The following WDPCP variants were observed in gnomAD, a reference collection of about 807,000 sequenced individuals.
The protein encoded by WDPCP is WD repeat containing planar cell polarity effector, also known as WD repeat-containing and planar cell polarity effector protein fritz homolog.
WDPCP carries 71 observed loss-of-function variants against 93.1 expected under a neutral mutation model. The observed-to-expected ratio is 0.76, with a 90% CI of 0.63 to 0.93. The LOEUF (loss-of-function observed/expected upper bound fraction) is 0.93. WDPCP is among the 40% of genes least tolerant of loss of function. The pLI, the probability that WDPCP is intolerant of heterozygous loss-of-function variation, is 0.00. For missense variants in WDPCP, 844 were observed against 887.4 expected, an observed-to-expected ratio of 0.95 and a Z score of 0.62; for synonymous variants, 315 against 315.0, an observed-to-expected ratio of 1.00 and a Z score of 0.00.
At chr2:63,495,779 G>A (rs1428677254) in intron 1 of WDPCP, among the ~76,000 whole-genome samples, 6 of 151,978 alleles carry the variant, frequency 3.9e-5, no homozygotes, top group East Asian at 1.9e-4. Context: ...CCATCACTAC[G>A]CAAATTTGTA....
intron 2 of WDPCP, among the ~76,000 whole-genome samples, chr2:63,656,168 G>A (rs1463940562): frequency 6.6e-6 from 1 of 152,122 alleles, no homozygotes; most frequent in African/African-American, 2.4e-5. Flanking sequence ...TGCCAGTTCT[G>A]GGAAAACAGG....
intron 2 of WDPCP, among the ~76,000 whole-genome samples, chr2:63,778,590 C>T (rs890816688): frequency 2.0e-5 from 3 of 152,146 alleles, no homozygotes; most frequent in African/African-American, 7.2e-5. Flanking sequence ...TCCTAACTTC[C>T]TTCTGAAAGT....
intron 12 of WDPCP, among the ~76,000 whole-genome samples, chr2:63,315,934 T>C (rs1325545747): frequency 2.0e-5 from 3 of 151,326 alleles, no homozygotes; most frequent in African/African-American, 7.3e-5. Context: ...GGTAATACTT[T>C]TTTTTTTTTG....
chr2:63,391,938 A>T (rs1352664935), intron 10 of WDPCP, among the ~76,000 whole-genome samples: 3 of 152,192 alleles, frequency 2.0e-5, no homozygotes, highest in Non-Finnish European at 2.9e-5. Context: ...AAGAATCAAT[A>T]TCGTGAAAAT....
intron 12 of WDPCP, among the ~76,000 whole-genome samples, chr2:63,355,686 C>T (rs977474782): frequency 6.6e-6 from 1 of 152,076 alleles, no homozygotes; most frequent in Non-Finnish European, 1.5e-5. Flanking sequence ...TCAAGGCCAG[C>T]CTGGCCAACA....
intron 1 of WDPCP, among the ~76,000 whole-genome samples, chr2:63,818,625 T>C (rs1670973513): frequency 6.6e-6 from 1 of 152,194 alleles, no homozygotes; most frequent in Non-Finnish European, 1.5e-5. Context: ...ATGAAAATGA[T>C]CTATGGCTAC....
At chr2:63,559,178 CAT>C (rs1181675681) in intron 1 of WDPCP, among the ~76,000 whole-genome samples, 2 of 152,166 alleles carry the variant, frequency 1.3e-5, no homozygotes, top group African/African-American at 4.8e-5. Context: ...AAAAAAACCA[CAT>C]GATTATCTCA....
intron 14 of WDPCP, among the ~76,000 whole-genome samples, chr2:63,202,840 C>T (rs1308083036): frequency 6.6e-6 from 1 of 151,948 alleles, no homozygotes; most frequent in Non-Finnish European, 1.5e-5. Context: ...ATTCTTCCTC[C>T]TCCTCCTTCC....
chr2:63,488,098 T>C (rs1020798529), intron 2 of WDPCP, among the ~76,000 whole-genome samples: 2 of 152,122 alleles, frequency 1.3e-5, no homozygotes, highest in Non-Finnish European at 2.9e-5. Context: ...GCTTCCCAGA[T>C]GTCAAGATTC....
At chr2:63,575,712 A>G (rs981069091) in intron 1 of WDPCP, among the ~76,000 whole-genome samples, 3 of 150,924 alleles carry the variant, frequency 2.0e-5, no homozygotes, top group African/African-American at 7.3e-5. Flanking sequence ...TGTCTTATTT[A>G]CTATATGATA....
intron 12 of WDPCP, among the ~76,000 whole-genome samples, chr2:63,322,003 T>C (rs1687137527): frequency 6.6e-6 from 1 of 152,206 alleles, no homozygotes; most frequent in Non-Finnish European, 1.5e-5. Context: ...CTGAAGCTAT[T>C]ACTGAGAGGT....
At chr2:63,666,984 T>G (rs1710289779) in intron 2 of WDPCP, among the ~76,000 whole-genome samples, 1 of 147,014 alleles carries the variant, frequency 6.8e-6, no homozygotes, top group African/African-American at 2.6e-5. Context: ...GTTTATTTCA[T>G]TTGATGAGAT....
chr2:63,770,815 G>C lies in WDPCP; in HGVS notation n.308+42807C>G, dbSNP rs139692629. 4.7e-3 allele frequency among the ~76,000 whole-genome samples: 719 copies of C among 151,928 alleles called. 5 individuals carry two copies. The highest frequency in any genetic ancestry group is 0.031 in the Middle Eastern group (9 of 294). Reference sequence around the variant, plus strand: ...TGCAACAGATTGACAGCAAAAATAGGTGAAAGACTCCAACTGTCTTCGATT... The same window carrying C: ...TGCAACAGATTGACAGCAAAAATAGCTGAAAGACTCCAACTGTCTTCGATT... On this transcript the variant is annotated intron_variant and non_coding_transcript_variant, in intron 2 of 4. Coordinates refer to the WDPCP transcript ENST00000467687.
At chr2:63,822,753 G>A (rs1403010764) in intron 1 of WDPCP, among the ~76,000 whole-genome samples, 1 of 151,986 alleles carries the variant, frequency 6.6e-6, no homozygotes, top group African/African-American at 2.4e-5. Flanking sequence ...GGGTGTGGTG[G>A]CACGCAGTGG....
chr2:63,652,719 T>C (rs1710121944), intron 2 of WDPCP, among the ~76,000 whole-genome samples: 1 of 152,212 alleles, frequency 6.6e-6, no homozygotes, highest in Non-Finnish European at 1.5e-5. Flanking sequence ...GAAGATAAAA[T>C]GTGCCAAATT....
rs150610102 is a variant in WDPCP at position 63,321,515 on chromosome 2, C to T, written c.1749-8204G>A. On this transcript the variant is annotated intron_variant, in intron 12 of 17. Transcript: ENST00000272321. ...GGCCCATCTTAGACTGAAAATGTTACGTGCAAATTAACTACTGGTTTGCTT... is the reference window on the plus strand; with the variant it reads ...GGCCCATCTTAGACTGAAAATGTTATGTGCAAATTAACTACTGGTTTGCTT... Among the ~76,000 whole-genome samples the T allele has an allele frequency of 2.1e-4, 32 of 152,000 alleles. No individual in the cohort carries two copies. In the East Asian group the frequency reaches 5.4e-3, roughly 26 times the overall value.
intron 3 of WDPCP, among the ~76,000 whole-genome samples, chr2:63,623,902 C>T (rs1575732665): frequency 6.6e-6 from 1 of 152,304 alleles, no homozygotes; most frequent in Admixed American, 6.5e-5. Context: ...CACCACATTG[C>T]ACTTATTCTA....
rs1197970797 is a variant in WDPCP at position 63,588,198 on chromosome 2, T to A, written c.74A>T (p.Gln25Leu). 3 of 1,566,740 alleles carry A rather than the reference T, an allele frequency of 1.9e-6. No individual in the cohort carries two copies. In the South Asian group the frequency reaches 3.5e-5, roughly 18 times the overall value. The change falls in exon 1 of 18, where the codon CAG becomes CTG. Residue 25 changes from glutamine to leucine, a missense_variant and splice_region_variant. Coordinates refer to ENST00000272321, the MANE Select transcript of WDPCP (RefSeq NM_015910.7). The stretch of plus-strand genomic sequence containing the variant: ...CCTTGCCCTCGGGCCAGGGCTCACC[T>A]GTCTCGGGAGTGGGGAAGAAGCGCG... Reference protein sequence around the residue: ...GSRASSPLPRQDRDSFCHQMS... With the variant: ...GSRASSPLPRLDRDSFCHQMS...
chr2:63,477,271 T>C (rs1700023124), intron 6 of WDPCP, among the ~76,000 whole-genome samples: 1 of 152,088 alleles, frequency 6.6e-6, no homozygotes, highest in African/African-American at 2.4e-5. Flanking sequence ...TTTATAATGA[T>C]TTAAGAAATT....
Sources: gnomAD v4.1 joint callset for allele counts (sites outside exome capture counted in the v4.1 genomes callset) on GRCh38, gnomAD v4.1.1 for gene constraint, MANE v1.5 for transcripts, NCBI Gene and HGNC (gene_info 2026-07-23, HGNC 2026-07-21) for gene names.